APBB2: variants seen among roughly 807,000 people sequenced by gnomAD.
APBB2 encodes the protein amyloid beta precursor protein binding family B member 2, also known as Fe65-like 1.
In APBB2, 38 loss-of-function variants were observed where a neutral mutation model predicts 82.5. That is an observed-to-expected ratio of 0.46 (90% CI 0.36 to 0.60). The LOEUF (loss-of-function observed/expected upper bound fraction) is 0.60. APBB2 is among the 20% of genes least tolerant of loss of function. APBB2 has a pLI of 0.00. For missense variants in APBB2, 772 were observed against 972.3 expected (o/e 0.79, Z 2.74); for synonymous variants, 341 against 368.2 (o/e 0.93, Z 0.85).
At chr4:41,054,305 T>C (rs543940479) in intron 4 of APBB2, among the ~76,000 whole-genome samples, 10 of 152,304 alleles carry the variant, frequency 6.6e-5, no homozygotes, top group African/African-American at 2.4e-4. Flanking sequence ...AGTGGACTTA[T>C]TCTCAGGTCT....
At chr4:40,898,965 A>G (rs773785125) in intron 10 of APBB2, among the ~76,000 whole-genome samples, 1 of 152,104 alleles carries the variant, frequency 6.6e-6, no homozygotes, top group South Asian at 2.1e-4. Context: ...AAGCTCTCAG[A>G]TGATGCTGAA....
chr4:41,033,480 T>C (rs1041299428), intron 4 of APBB2, among the ~76,000 whole-genome samples, 176 bp from the exon 5 acceptor site: 2 of 152,130 alleles, frequency 1.3e-5, no homozygotes, highest in African/African-American at 4.8e-5. Flanking sequence ...TGATTGAAAC[T>C]TGAATTCCTA....
chr4:41,097,006 T>C (rs1338100868), intron 3 of APBB2, among the ~76,000 whole-genome samples: 2 of 152,258 alleles, frequency 1.3e-5, no homozygotes, highest in Non-Finnish European at 2.9e-5. Flanking sequence ...TAAAACATTC[T>C]GGATCTCCAA....
intron 12 of APBB2, among the ~76,000 whole-genome samples, chr4:40,884,208 A>G (rs372009031): frequency 3.9e-5 from 6 of 152,236 alleles, no homozygotes; most frequent in East Asian, 1.9e-4. Context: ...GCCACAAACT[A>G]CATGGGTCAC....
At chr4:40,895,694 T>C (rs1188981166) in intron 10 of APBB2, among the ~76,000 whole-genome samples, 2 of 152,128 alleles carry the variant, frequency 1.3e-5, no homozygotes, top group Non-Finnish European at 2.9e-5. Context: ...CTAACCTCTC[T>C]CCCATGTCGG....
intron 3 of APBB2, among the ~76,000 whole-genome samples, chr4:41,090,178 G>A (rs968469573): frequency 7.9e-5 from 12 of 152,190 alleles, no homozygotes; most frequent in East Asian, 3.9e-4. Flanking sequence ...CCCTCCAGTC[G>A]TTTCTATAAA....
At chr4:40,818,053 CA>C (rs1746422397) in intron 17 of APBB2, among the ~76,000 whole-genome samples, 1 of 152,148 alleles carries the variant, frequency 6.6e-6, no homozygotes, top group African/African-American at 2.4e-5. Context: ...TAAATTTTGC[CA>C]AAATGTCTTC....
intron 12 of APBB2, among the ~76,000 whole-genome samples, chr4:40,861,845 C>T (rs924405367): frequency 2.0e-5 from 3 of 152,050 alleles, no homozygotes; most frequent in African/African-American, 7.3e-5. Flanking sequence ...AAAAATGTTA[C>T]TCAGGATTAT....
chr4:41,070,899 G>A (rs192573701), intron 3 of APBB2, among the ~76,000 whole-genome samples: 1 of 152,256 alleles, frequency 6.6e-6, no homozygotes, highest in African/African-American at 2.4e-5. Flanking sequence ...GAAAGGAAGG[G>A]AATATATTTG....
At chr4:40,893,682 G>C (rs545773995) in intron 10 of APBB2, among the ~76,000 whole-genome samples, 1 of 152,308 alleles carries the variant, frequency 6.6e-6, no homozygotes, top group East Asian at 1.9e-4. Context: ...TAGAAGGCCA[G>C]GTGCGGTGGC....
At chr4:41,134,432 C>T (rs950652595) in intron 2 of APBB2, among the ~76,000 whole-genome samples, 1 of 151,978 alleles carries the variant, frequency 6.6e-6, no homozygotes, top group East Asian at 1.9e-4. Flanking sequence ...ACAAAAAAAA[C>T]AATTAGCCAG....
At chr4:40,981,750 T>C (rs1217830524) in intron 6 of APBB2, among the ~76,000 whole-genome samples, 1 of 152,130 alleles carries the variant, frequency 6.6e-6, no homozygotes, top group Non-Finnish European at 1.5e-5. Context: ...TACATTCTTG[T>C]TTGGGGGCTA....
intron 12 of APBB2, among the ~76,000 whole-genome samples, chr4:40,841,263 C>T (rs1382387331): frequency 6.6e-6 from 1 of 152,200 alleles, no homozygotes; most frequent in Non-Finnish European, 1.5e-5. Flanking sequence ...TTACATGACA[C>T]CAACTCCGAC....
intron 12 of APBB2, among the ~76,000 whole-genome samples, chr4:40,884,458 A>G (rs1194185762): frequency 2.0e-5 from 3 of 152,210 alleles, no homozygotes; most frequent in Admixed American, 6.5e-5. Flanking sequence ...ACAAGAACAT[A>G]AAGTACATGT....
chr4:40,910,008 T>C (rs1287204987), intron 10 of APBB2, among the ~76,000 whole-genome samples: 2 of 152,196 alleles, frequency 1.3e-5, no homozygotes, highest in African/African-American at 4.8e-5. Flanking sequence ...ACAGCAGAGC[T>C]AGATTTGATC....
chr4:41,119,086 C>T (rs1752010258), intron 2 of APBB2, among the ~76,000 whole-genome samples: 1 of 151,942 alleles, frequency 6.6e-6, no homozygotes, highest in South Asian at 2.1e-4. Flanking sequence ...CTGCGGCAAA[C>T]CGAGATCATG....
chr4:41,083,545 G>C (rs777253078), intron 3 of APBB2, among the ~76,000 whole-genome samples: 2 of 151,690 alleles, frequency 1.3e-5, no homozygotes, highest in East Asian at 3.9e-4. Flanking sequence ...AAAATTAGCC[G>C]GGCACGGTAG....
chr4:41,105,355 C>A (rs1205450380), intron 2 of APBB2, among the ~76,000 whole-genome samples: 2 of 152,018 alleles, frequency 1.3e-5, no homozygotes, highest in Non-Finnish European at 2.9e-5. Context: ...TGTTTTGTTT[C>A]ATTTTAGCAA....
At chr4:40,940,847 C>T (rs76721769) in intron 7 of APBB2, among the ~76,000 whole-genome samples, 5,625 of 152,276 alleles carry the variant, frequency 0.037, 326 homozygotes, top group African/African-American at 0.12. Flanking sequence ...TGTGGCTCTC[C>T]GTTCTCTCTA....
Sources: gnomAD v4.1 joint callset for allele counts (sites outside exome capture counted in the v4.1 genomes callset) on GRCh38, gnomAD v4.1.1 for gene constraint, MANE v1.5 for transcripts, NCBI Gene and HGNC (gene_info 2026-07-23, HGNC 2026-07-21) for gene names.